MRPS9: variants seen among roughly 807,000 people sequenced by gnomAD.
MRPS9 encodes the protein mitochondrial ribosomal protein S9, also known as small ribosomal subunit protein uS9m.
In MRPS9, 45 loss-of-function variants were observed where a neutral mutation model predicts 59.9. That is an observed-to-expected ratio of 0.75 (90% CI 0.59 to 0.96). The LOEUF (loss-of-function observed/expected upper bound fraction) is 0.96, where lower values mean the gene tolerates loss of function less well. Among genes scored for constraint, MRPS9 ranks in the 40% least tolerant of loss-of-function variants. MRPS9 has a pLI of 0.00. For synonymous variants in MRPS9, 171 were observed against 166.8 expected, an observed-to-expected ratio of 1.03 and a Z score of -0.19; for missense variants, 473 against 481.1, an observed-to-expected ratio of 0.98 and a Z score of 0.16.
intron 4 of MRPS9, 36 bp from the exon 5 acceptor site, chr2:105,079,947 A>G (rs763034886): frequency 6.5e-7 from 1 of 1,529,312 alleles, no homozygotes; most frequent in Non-Finnish European, 9.0e-7. Flanking sequence ...CTCTGTGTAT[A>G]TTTTTATTTG....
Position 105,039,317 on chromosome 2 carries a change from G to GTT in MRPS9, c.135+1103_135+1104dup, listed in dbSNP as rs11423412. Among the ~76,000 whole-genome samples the GTT allele has an allele frequency of 6.0e-3, 807 of 134,318 alleles. 11 individuals are homozygous for GTT. The highest frequency in any genetic ancestry group is 0.02 in the African/African-American group (713 of 36,346). 88.1% of individuals were successfully genotyped at this position (134,318 alleles called of 152,430 possible). Reference sequence around the variant, plus strand: ...ATTCTATCTATTCATGTGGACATTTGTTTTTTTTTTTTTTCTTACTGGAAA... The same window carrying GTT: ...ATTCTATCTATTCATGTGGACATTTGTTTTTTTTTTTTTTTTCTTACTGGAAA... On this transcript the variant is annotated intron_variant, in intron 1 of 10. Coordinates refer to ENST00000258455, the MANE Select transcript of MRPS9 (RefSeq NM_182640.3).
At chr2:105,083,290 G>A (rs971225729) in intron 5 of MRPS9, among the ~76,000 whole-genome samples, 5 of 152,272 alleles carry the variant, frequency 3.3e-5, no homozygotes, top group East Asian at 1.9e-4. Context: ...TGTAGACTGC[G>A]GGAAGTGGAG....
chr2:105,078,956 T>A (rs1680269416), intron 4 of MRPS9, among the ~76,000 whole-genome samples: 1 of 152,176 alleles, frequency 6.6e-6, no homozygotes, highest in Non-Finnish European at 1.5e-5. Context: ...GAAACCTAAC[T>A]GTTACAATGG....
At chr2:105,070,580 G>A (rs1428516649) in intron 2 of MRPS9, among the ~76,000 whole-genome samples, 1 of 152,170 alleles carries the variant, frequency 6.6e-6, no homozygotes, top group Non-Finnish European at 1.5e-5. Flanking sequence ...TTGTTGTGAG[G>A]CGGGGCATTG....
intron 5 of MRPS9, among the ~76,000 whole-genome samples, chr2:105,081,131 C>T (rs570525300): frequency 1.3e-5 from 2 of 152,190 alleles, no homozygotes; most frequent in Non-Finnish European, 2.9e-5. Context: ...CTCCAAACGC[C>T]GCCGGTTTGA....
chr2:105,045,927 C>T lies in MRPS9; in HGVS notation c.136-3244C>T, dbSNP rs1003960283. 3.9e-5 allele frequency among the ~76,000 whole-genome samples: 6 copies of T among 151,980 alleles called. 1 individual carries two copies. Among genetic ancestry groups the T allele is most frequent in the South Asian group, 2.1e-4 (1 of 4,824 alleles). The stretch of plus-strand genomic sequence containing the variant: ...TTGCCCAGGCTGGAGTGCAGTGGTG[C>T]GATCTTGGCTAACTGCAACCTCCGG... On this transcript the variant is annotated intron_variant, in intron 1 of 10. Transcript: ENST00000258455.
At chr2:105,084,258 A>G (rs1436421876) in intron 5 of MRPS9, among the ~76,000 whole-genome samples, 2 of 148,828 alleles carry the variant, frequency 1.3e-5, no homozygotes, top group Non-Finnish European at 3.0e-5. Context: ...ATATATATAT[A>G]TATATATATA....
intron 1 of MRPS9, among the ~76,000 whole-genome samples, chr2:105,048,800 C>A (rs767744979): frequency 2.0e-5 from 3 of 151,930 alleles, no homozygotes; most frequent in African/African-American, 7.2e-5. Context: ...GTATTTGCCT[C>A]CTTAAGGGAG....
chr2:105,086,336 T>C (rs1264306034), intron 5 of MRPS9, among the ~76,000 whole-genome samples: 1 of 152,220 alleles, frequency 6.6e-6, no homozygotes, highest in Non-Finnish European at 1.5e-5. Context: ...TGGGTTGTTT[T>C]CTCCTCTTCC....
In MRPS9 at chr2:105,049,249, G is replaced by C. The variant is rs368177472; in HGVS notation, c.214G>C (p.Asp72His). 6.2e-7 allele frequency: 1 copy of C among 1,613,210 alleles called. No individual in the cohort carries two copies. Among genetic ancestry groups the C allele is most frequent in the African/African-American group, 1.3e-5 (1 of 74,852 alleles). The change falls in exon 2 of 11, where the codon GAT (aspartate) becomes CAT (histidine). Residue 72 changes from aspartate to histidine, a missense_variant. Asp to His is a moderately conservative substitution (Grantham distance 81). Transcript: ENST00000258455. ...CTCAAAACGTGAAACTTACACAGAG[G>C]ATTTTATTAAAAAGCAGATTGAAGA... ...PTSKRETYTE[D>H]FIKKQIEEFN...
chr2:105,045,547 A>G (rs1679577546), intron 1 of MRPS9, among the ~76,000 whole-genome samples: 2 of 152,168 alleles, frequency 1.3e-5, no homozygotes, highest in Non-Finnish European at 2.9e-5. Context: ...ATGGGCAGTG[A>G]TATTCCAGGG....
intron 2 of MRPS9, among the ~76,000 whole-genome samples, chr2:105,058,544 G>T (rs1461824513): frequency 6.6e-6 from 1 of 152,034 alleles, no homozygotes; most frequent in East Asian, 1.9e-4. Context: ...TACTAATGAG[G>T]ATTACCTTAC....
chr2:105,048,201 A>G (rs1314239180), intron 1 of MRPS9, among the ~76,000 whole-genome samples: 5 of 152,088 alleles, frequency 3.3e-5, no homozygotes, highest in Non-Finnish European at 7.4e-5. Context: ...TGTCCTTTGC[A>G]GGGACATGGA....
At chr2:105,075,968 G>C (rs1158901632) in intron 4 of MRPS9, among the ~76,000 whole-genome samples, 2 of 151,890 alleles carry the variant, frequency 1.3e-5, no homozygotes, top group African/African-American at 4.8e-5. Flanking sequence ...GTGTTATTTG[G>C]CATTGTTTTG....
At chr2:105,073,430 T>A (rs999662590) in intron 4 of MRPS9, among the ~76,000 whole-genome samples, 1 of 152,188 alleles carries the variant, frequency 6.6e-6, no homozygotes, top group African/African-American at 2.4e-5. Flanking sequence ...TCCTCTAGAA[T>A]TAGTAAAATT....
intron 9 of MRPS9, among the ~76,000 whole-genome samples, chr2:105,093,929 G>A (rs1357048877): frequency 3.9e-5 from 6 of 152,156 alleles, no homozygotes; most frequent in Admixed American, 3.9e-4. Flanking sequence ...AGTGCAGACT[G>A]TGCCAAAATG....
chr2:105,065,179 C>A (rs949317670), intron 2 of MRPS9, among the ~76,000 whole-genome samples: 1 of 152,200 alleles, frequency 6.6e-6, no homozygotes, highest in East Asian at 1.9e-4. Flanking sequence ...ATTTCTTTCT[C>A]TTTAAGCACA....
intron 2 of MRPS9, among the ~76,000 whole-genome samples, chr2:105,056,993 AC>A (rs1679802967): frequency 6.6e-6 from 1 of 152,282 alleles, no homozygotes; most frequent in South Asian, 2.1e-4. Context: ...TTGGTGCTCG[AC>A]CTTTTTATTA....
intron 4 of MRPS9, among the ~76,000 whole-genome samples, chr2:105,078,157 T>TTC (rs1364205399): frequency 2.0e-5 from 3 of 151,620 alleles, no homozygotes; most frequent in African/African-American, 4.9e-5. Flanking sequence ...TTTTTTTTTT[T>TTC]TTCAAATTTT....
Sources: gnomAD v4.1 joint callset for allele counts (sites outside exome capture counted in the v4.1 genomes callset) on GRCh38, gnomAD v4.1.1 for gene constraint, MANE v1.5 for transcripts, NCBI Gene and HGNC (gene_info 2026-07-23, HGNC 2026-07-21) for gene names.